The following NR1I3 variants were observed in gnomAD, a reference collection of about 807,000 sequenced individuals.
The protein encoded by NR1I3 is nuclear receptor subfamily 1 group I member 3, also known as constitutive activator of retinoid response.
A neutral mutation model predicts 38.4 loss-of-function variants in NR1I3; 30 were observed. That is an observed-to-expected ratio of 0.78 (90% CI 0.58 to 1.06). The LOEUF (loss-of-function observed/expected upper bound fraction) is 1.06. Among genes scored for constraint, NR1I3 ranks in the 50% least tolerant of loss-of-function variants. NR1I3 has a pLI of 0.00. For synonymous variants in NR1I3, 143 were observed against 165.1 expected, an observed-to-expected ratio of 0.87 and a Z score of 1.03; for missense variants, 388 against 435.7, an observed-to-expected ratio of 0.89 and a Z score of 0.97.
At position 161,232,854 on chromosome 1, in the gene NR1I3, G is replaced by A. The variant is rs1667668201; in HGVS notation, c.501C>T (p.Phe167=). 2 of 1,614,240 alleles carry A rather than the reference G, an allele frequency of 1.2e-6. No homozygotes were observed. The highest frequency in any genetic ancestry group is 1.7e-6 in the Non-Finnish European group (2 of 1,180,030). The change falls in exon 5 of 9, where the codon TTC becomes TTT. Residue 167 remains phenylalanine, a synonymous_variant. Coordinates refer to ENST00000367983, the MANE Select transcript of NR1I3 (RefSeq NM_005122.5). ...TAAACTTGATGACTTGCAGTACCAT[G>A]AAAGTGTTGATGTCTGCGAAGTGTG... is the stretch of plus-strand genomic sequence containing the variant. The part of the protein sequence containing the change: ...LVTHFADINT[F]MVLQVIKFTK...
Position 161,235,875 on chromosome 1 carries a change from C to T in NR1I3, c.210G>A (p.Lys70=). ...RRHCPACRLQ[K]CLDAGMRKDM... The stretch of plus-strand genomic sequence containing the variant: ...CTTTCCTCATGCCAGCATCTAAGCA[C>T]TTCTGCAACCTGCAGGCTGGGCAGT... Residue 70 remains lysine, a synonymous_variant, in exon 3 of 9, where the codon AAG becomes AAA. Coordinates refer to ENST00000367983, the MANE Select transcript of NR1I3 (RefSeq NM_005122.5). 1 of 1,614,204 alleles carries T rather than the reference C, an allele frequency of 6.2e-7. No individual in the cohort carries two copies. Among genetic ancestry groups the T allele is most frequent in the Non-Finnish European group, 8.5e-7 (1 of 1,180,024 alleles).
At chr1:161,232,356 G>A (rs897055745) in intron 5 of NR1I3, among the ~76,000 whole-genome samples, 12 of 151,962 alleles carry the variant, frequency 7.9e-5, no homozygotes, top group Non-Finnish European at 1.3e-4. Flanking sequence ...GGAATGCAGC[G>A]GTGCTATCTG....
Position 161,231,438 on chromosome 1 carries a change from C to G in NR1I3, c.585G>C (p.Lys195Asn). 6.3e-7 allele frequency: 1 copy of G among 1,575,674 alleles called. No homozygotes were observed. ...TGTGACAGATTTCCACAGCTGCTCCCTTGAGAAGGGAGATCTGGTCTTCAA... is the reference window on the plus strand; with the variant it reads ...TGTGACAGATTTCCACAGCTGCTCCGTTGAGAAGGGAGATCTGGTCTTCAA... ...LPIEDQISLL[K>N]GAAVEICHIV... Residue 195 changes from lysine (K) to asparagine (N), a missense_variant, in exon 6 of 9, where the codon AAG becomes AAC. Coordinates refer to ENST00000367983, the MANE Select transcript of NR1I3 (RefSeq NM_005122.5).
intron 5 of NR1I3, among the ~76,000 whole-genome samples, chr1:161,232,060 A>G (rs956230270): frequency 6.6e-6 from 1 of 150,434 alleles, no homozygotes; most frequent in African/African-American, 2.5e-5. Context: ...GATCTCGGCT[A>G]CAGCAAACCT....
chr1:161,233,369 G>C (rs1489367996), intron 3 of NR1I3, 31 bp from the exon 4 acceptor site: 1 of 1,603,028 alleles, frequency 6.2e-7, no homozygotes, highest in South Asian at 1.1e-5. Context: ...TGACAAAGCT[G>C]TTGAGACCAG....
Position 161,236,539 on chromosome 1 carries a change from C to T in NR1I3, c.27G>A (p.Arg9=), listed in dbSNP as rs1668632953. ...CTTGGTCCCCACATACCACACAGTT[C>T]CTCAGCTCATCTTCCCTACTGGCCA... MASREDEL[R]NCVVCGDQAT... is the part of the protein sequence containing the mutation. Residue 9 remains arginine, a synonymous_variant, in exon 2 of 9, where the codon AGG becomes AGA. Coordinates refer to ENST00000367983, the MANE Select transcript of NR1I3 (RefSeq NM_005122.5). 1 of 1,613,948 alleles carries T rather than the reference C, an allele frequency of 6.2e-7. No individual in the cohort carries two copies. The highest frequency in any genetic ancestry group is 1.1e-5 in the South Asian group (1 of 91,076).
rs113093711 is a variant in NR1I3, at chr1:161,236,726, GTTTTCT to G, written c.-33-134_-33-129del. The G allele has an allele frequency of 7.3e-4, 429 of 588,978 alleles. 3 individuals carry two copies. The highest frequency in any genetic ancestry group is 3.5e-3 in the African/African-American group (175 of 50,152). 36.5% of individuals were successfully genotyped at this position (588,978 alleles called of 1,614,324 possible). A position where few individuals can be genotyped will look rare whatever the true frequency, so the allele number is the denominator to read the frequency against. ...TTGATCCCTGGCGTTATCTTTTGTG[GTTTTCT>G]TTTTCTTTTTCTTTTTCTTTTTTTT... On this transcript the variant is annotated intron_variant, in intron 1 of 8. Coordinates refer to ENST00000367983, the MANE Select transcript of NR1I3 (RefSeq NM_005122.5).
In NR1I3 at chr1:161,232,823, C is replaced by T. The variant is rs780283429; in HGVS notation, c.532G>A (p.Asp178Asn). The stretch of plus-strand genomic sequence containing the variant: ...GTCACTCACCGGAAGACGGGCAGGT[C>T]CTTAGTAAACTTGATGACTTGCAGT... ...MVLQVIKFTKDLPVFRSLPIE... is the reference protein window; with the variant it reads ...MVLQVIKFTKNLPVFRSLPIE... The change falls in exon 5 of 9, where the codon GAC becomes AAC. Residue 178 changes from aspartate (D) to asparagine (N), a missense_variant. Coordinates refer to ENST00000367983, the MANE Select transcript of NR1I3 (RefSeq NM_005122.5). 22 of 1,614,180 alleles carry T rather than the reference C, an allele frequency of 1.4e-5. No individual in the cohort carries two copies. The highest frequency in any genetic ancestry group is 1.9e-5 in the Non-Finnish European group (22 of 1,180,034).
chr1:161,231,175 T>C lies in NR1I3; in HGVS notation c.753A>G (p.Lys251=). The change falls in exon 7 of 9, where the codon AAA becomes AAG. Residue 251 remains lysine (K), a synonymous_variant. Transcript: ENST00000367983. ...LLFHFHGTLR[K]LQLQEPEYVL... is the part of the protein sequence containing the mutation. ...CATACTCAGGCTCTTGGAGCTGCAG[T>C]TTTCGTAGTGTTCCATGGAAGTGAA... The C allele has an allele frequency of 6.2e-7, 1 of 1,613,938 alleles. No individual in the cohort carries two copies. Among genetic ancestry groups the C allele is most frequent in the East Asian group, 2.2e-5 (1 of 44,852 alleles).
In NR1I3 at chr1:161,233,275, T is replaced by C. The variant is rs760638672; in HGVS notation, c.302A>G (p.Gln101Arg). The C allele has an allele frequency of 6.2e-7, 1 of 1,614,066 alleles. No homozygotes were observed. The highest frequency in any genetic ancestry group is 8.5e-7 in the Non-Finnish European group (1 of 1,180,016). The change falls in exon 4 of 9, where the codon CAA (glutamine) becomes CGA (arginine). Residue 101 changes from glutamine (Q) to arginine (R), a missense_variant. Coordinates refer to ENST00000367983, the MANE Select transcript of NR1I3 (RefSeq NM_005122.5). ...RAKQAQRRAQ[Q>R]TPVQLSKEQE... The stretch of plus-strand genomic sequence containing the variant: ...CTCCTTACTCAGTTGCACAGGTGTT[T>C]GCTGTGCCCGCCGCTGGGCCTGCTT...
intron 1 of NR1I3, among the ~76,000 whole-genome samples, 200 bp downstream of exon 1, chr1:161,237,841 G>A (rs1052775192): frequency 2.6e-5 from 4 of 152,062 alleles, no homozygotes; most frequent in African/African-American, 4.8e-5. Flanking sequence ...GAGCTCCCGC[G>A]CCTGGCCTCT....
chr1:161,234,591 G>A (rs1668191482), intron 3 of NR1I3, among the ~76,000 whole-genome samples: 1 of 152,050 alleles, frequency 6.6e-6, no homozygotes, highest in Non-Finnish European at 1.5e-5. Context: ...TCTTTTCCTA[G>A]AGAGGACATC....
intron 4 of NR1I3, 38 bp from the exon 5 acceptor site, chr1:161,232,984 T>G: frequency 1.2e-6 from 2 of 1,611,658 alleles, no homozygotes; most frequent in South Asian, 1.1e-5. Flanking sequence ...GCTCTGGCCC[T>G]AGGGCCCTCC....
Position 161,229,907 on chromosome 1 carries a change from G to A in NR1I3, c.937C>T (p.Leu313=). Reference sequence around the variant, plus strand: ...CTCCGGAGCTCAGCCAGCAGGCCTAGCAACTTCGCATACAGAAACCTTTGG... The same window carrying A: ...CTCCGGAGCTCAGCCAGCAGGCCTAACAACTTCGCATACAGAAACCTTTGG... ...PRDRFLYAKL[L]GLLAELRSIN... Residue 313 remains leucine (L), a synonymous_variant, in exon 9 of 9, where the codon CTA becomes TTA. Coordinates refer to ENST00000367983, the MANE Select transcript of NR1I3 (RefSeq NM_005122.5). 7.4e-6 allele frequency: 12 copies of A among 1,614,182 alleles called. No individual in the cohort carries two copies. Among genetic ancestry groups the A allele is most frequent in the Non-Finnish European group, 9.3e-6 (11 of 1,180,036 alleles).
intron 1 of NR1I3, among the ~76,000 whole-genome samples, chr1:161,237,267 G>A (rs565141862): frequency 2.7e-5 from 4 of 148,802 alleles, no homozygotes; most frequent in African/African-American, 9.9e-5. Flanking sequence ...GGGCAGTGGT[G>A]CAATCTTGGC....
At chr1:161,237,470 A>G (rs963700335) in intron 1 of NR1I3, among the ~76,000 whole-genome samples, 2 of 151,826 alleles carry the variant, frequency 1.3e-5, no homozygotes, top group Non-Finnish European at 2.9e-5. Flanking sequence ...CTGTAATTCC[A>G]GCACTTTGGG....
intron 6 of NR1I3, 29 bp from the exon 7 acceptor site, chr1:161,231,262 C>G (rs182950294): frequency 5.5e-5 from 88 of 1,613,970 alleles, no homozygotes; most frequent in Non-Finnish European, 5.9e-6. Context: ...TTAGGAGCCT[C>G]TAGGTCACCT....
At chr1:161,235,770 T>C in intron 3 of NR1I3, 77 bp downstream of exon 3, 1 of 1,584,756 alleles carries the variant, frequency 6.3e-7, no homozygotes, top group East Asian at 2.2e-5. Context: ...GCCTGCTATG[T>C]AGAGAATGCA....
intron 1 of NR1I3, among the ~76,000 whole-genome samples, chr1:161,237,291 C>T (rs528959028): frequency 3.8e-4 from 58 of 151,096 alleles, no homozygotes; most frequent in Middle Eastern, 3.4e-3. Flanking sequence ...CTACAACCTC[C>T]GCCTCCCAGA....
Sources: gnomAD v4.1 joint callset for allele counts (sites outside exome capture counted in the v4.1 genomes callset) on GRCh38, gnomAD v4.1.1 for gene constraint, MANE v1.5 for transcripts, NCBI Gene and HGNC (gene_info 2026-07-23, HGNC 2026-07-21) for gene names.